The following CNTN5 variants were observed in gnomAD, a reference collection of about 807,000 sequenced individuals.
CNTN5 encodes the protein contactin-5.
Under a neutral mutation model 129.1 loss-of-function variants are expected in CNTN5, and 77 were observed. The observed-to-expected ratio is 0.60, with a 90% confidence interval of 0.50 to 0.72. The LOEUF is 0.72. Ranked by LOEUF, CNTN5 falls within the 30% of genes least tolerant of loss-of-function variation. The probability of loss-of-function intolerance (pLI) is 0.00; values close to 1 mark genes in which losing one functional copy is unlikely to be tolerated. For missense variants in CNTN5, 1,478 were observed against 1,328.8 expected (o/e 1.11, Z -1.75); for synonymous variants, 509 against 465.6 (o/e 1.09, Z -1.20).
chr11:99,648,336 T>C lies in CNTN5; in HGVS notation c.55+92067T>C, dbSNP rs112316317. Among the ~76,000 whole-genome samples, 676 of 151,988 alleles carry C rather than the reference T, an allele frequency of 4.4e-3. 3 individuals carry two copies. The highest frequency in any genetic ancestry group is 7.6e-3 in the Non-Finnish European group (515 of 67,808). On this transcript the variant is annotated intron_variant, in intron 3 of 24. Transcript: ENST00000524871. ...AAAAAATGTTCAGCATTACTAATGA[T>C]CAGGTAAATGCAAATGAAAACCACA...
chr11:99,488,233 C>T (rs927647074), intron 2 of CNTN5, among the ~76,000 whole-genome samples: 4 of 144,090 alleles, frequency 2.8e-5, no homozygotes, highest in South Asian at 2.4e-4. Context: ...AGTGCAGTGG[C>T]GCGATCTCGG....
rs2000876 is a variant in CNTN5, at chr11:99,563,785, A to G, written c.55+7516A>G. On this transcript the variant is annotated intron_variant, in intron 3 of 24. Coordinates refer to ENST00000524871, the MANE Select transcript of CNTN5 (RefSeq NM_014361.4). ...AAGGCTAGCTTAGGCTCTTTCATGTAGTTGTAGGCTTTTTAGGTACAGGAA... is the reference window on the plus strand; with the variant it reads ...AAGGCTAGCTTAGGCTCTTTCATGTGGTTGTAGGCTTTTTAGGTACAGGAA... Among the ~76,000 whole-genome samples, 643 of 152,266 alleles carry G rather than the reference A, an allele frequency of 4.2e-3. 27 individuals carry two copies. The East Asian group carries it at 0.097, about 23-fold the overall frequency.
At chr11:99,933,336 A>G (rs1950233730) in intron 7 of CNTN5, among the ~76,000 whole-genome samples, 2 of 152,136 alleles carry the variant, frequency 1.3e-5, no homozygotes, top group Admixed American at 1.3e-4. Context: ...GATCATTTTT[A>G]ATTAGTTTTA....
At chr11:100,009,745 T>C (rs546909316) in intron 9 of CNTN5, among the ~76,000 whole-genome samples, 2 of 152,170 alleles carry the variant, frequency 1.3e-5, no homozygotes, top group South Asian at 2.1e-4. Flanking sequence ...ATGGTTTAGA[T>C]GTAATGTTCC....
chr11:99,734,706 ATTT>A (rs57330066), intron 3 of CNTN5, among the ~76,000 whole-genome samples: 2 of 146,964 alleles, frequency 1.4e-5, no homozygotes, highest in African/African-American at 5.0e-5. Flanking sequence ...TATTACACTG[ATTT>A]TTTTTTTTTT....
intron 3 of CNTN5, among the ~76,000 whole-genome samples, chr11:99,686,212 C>G (rs1365138574): frequency 1.3e-5 from 2 of 151,966 alleles, no homozygotes; most frequent in Admixed American, 6.6e-5. Flanking sequence ...ATTGACCCAC[C>G]AATTTATCCA....
chr11:99,190,167 G>C (rs920376211), intron 1 of CNTN5, among the ~76,000 whole-genome samples: 2 of 151,462 alleles, frequency 1.3e-5, no homozygotes, highest in Admixed American at 1.3e-4. Flanking sequence ...GTTCCATTTT[G>C]CACTGTTGGC....
At chr11:99,187,168 G>A (rs1204557829) in intron 1 of CNTN5, among the ~76,000 whole-genome samples, 1 of 151,768 alleles carries the variant, frequency 6.6e-6, no homozygotes, top group Non-Finnish European at 1.5e-5. Flanking sequence ...TCTATAGAGA[G>A]GCACTGGTCA....
chr11:99,282,860 G>A (rs1863761448), intron 1 of CNTN5, among the ~76,000 whole-genome samples: 1 of 152,010 alleles, frequency 6.6e-6, no homozygotes. Flanking sequence ...AGCATCTGTG[G>A]AATTATCAGG....
At chr11:99,942,430 T>G (rs1034047221) in intron 7 of CNTN5, among the ~76,000 whole-genome samples, 4 of 151,996 alleles carry the variant, frequency 2.6e-5, no homozygotes, top group African/African-American at 9.7e-5. Flanking sequence ...AAAACTGGTG[T>G]AAATTGGCAG....
At chr11:99,810,746 G>A (rs1037678238) in intron 3 of CNTN5, among the ~76,000 whole-genome samples, 1 of 152,230 alleles carries the variant, frequency 6.6e-6, no homozygotes, top group Non-Finnish European at 1.5e-5. Flanking sequence ...AAATTGCAGA[G>A]TTAACATTAA....
chr11:99,683,303 C>G lies in CNTN5; in HGVS notation c.55+127034C>G, dbSNP rs114411508. On this transcript the variant is annotated intron_variant, in intron 3 of 24. Transcript: ENST00000524871. ...TTGCACTTTTTCATCTAGTCTCCAC[C>G]TCATATCATGTATCATTTGAGGTAG... 2.6e-5 allele frequency among the ~76,000 whole-genome samples: 4 copies of G among 151,884 alleles called. No homozygotes were observed. The East Asian group carries it at 7.7e-4, about 29-fold the overall frequency.
At chr11:100,035,145 C>T (rs1176996901) in intron 9 of CNTN5, among the ~76,000 whole-genome samples, 26 of 152,162 alleles carry the variant, frequency 1.7e-4, no homozygotes, top group South Asian at 2.1e-4. Flanking sequence ...CAACAGTCCC[C>T]GATGTGTGAT....
chr11:99,794,748 C>T (rs1287846612), intron 3 of CNTN5, among the ~76,000 whole-genome samples: 3 of 152,144 alleles, frequency 2.0e-5, no homozygotes, highest in Non-Finnish European at 4.4e-5. Flanking sequence ...TGAATATAGG[C>T]TCCCTATGTT....
At chr11:99,221,120 T>C (rs1275089879) in intron 1 of CNTN5, among the ~76,000 whole-genome samples, 2 of 151,898 alleles carry the variant, frequency 1.3e-5, no homozygotes, top group Non-Finnish European at 2.9e-5. Flanking sequence ...CAATTAACAA[T>C]TAGGAGATTT....
At chr11:99,553,670 G>T (rs912808774) in intron 2 of CNTN5, among the ~76,000 whole-genome samples, 2 of 151,634 alleles carry the variant, frequency 1.3e-5, no homozygotes, top group Non-Finnish European at 2.9e-5. Context: ...ATCTTAATTA[G>T]CTTGATTTAA....
At chr11:100,299,620 T>C (rs1271254274) in intron 20 of CNTN5, among the ~76,000 whole-genome samples, 1 of 151,382 alleles carries the variant, frequency 6.6e-6, no homozygotes, top group Non-Finnish European at 1.5e-5. Flanking sequence ...ATCCTAACAA[T>C]ATATGGCAAA....
intron 3 of CNTN5, among the ~76,000 whole-genome samples, chr11:99,615,233 A>T (rs952003593): frequency 6.6e-6 from 1 of 151,950 alleles, no homozygotes; most frequent in Non-Finnish European, 1.5e-5. Flanking sequence ...TTTCATGCAA[A>T]TGAGAGGATC....
chr11:100,313,318 G>A (rs1181296208), intron 21 of CNTN5, among the ~76,000 whole-genome samples: 3 of 151,980 alleles, frequency 2.0e-5, no homozygotes, highest in Admixed American at 6.6e-5. Context: ...CAAAGCAGTG[G>A]AGTGGGAGAG....
Sources: gnomAD v4.1 joint callset for allele counts (sites outside exome capture counted in the v4.1 genomes callset) on GRCh38, gnomAD v4.1.1 for gene constraint, MANE v1.5 for transcripts, NCBI Gene and HGNC (gene_info 2026-07-23, HGNC 2026-07-21) for gene names.